MBNL3: variants seen among roughly 807,000 people sequenced by gnomAD.
MBNL3 encodes muscleblind like splicing regulator 3.
MBNL3 carries 6 observed loss-of-function variants against 24.5 expected under a neutral mutation model. The observed-to-expected ratio is 0.25, with a 90% CI of 0.13 to 0.48. The LOEUF (loss-of-function observed/expected upper bound fraction) is 0.48, where lower values mean the gene tolerates loss of function less well. Among genes scored for constraint, MBNL3 ranks in the 20% least tolerant of loss-of-function variants. The pLI is 0.99. For synonymous variants in MBNL3, 100 were observed against 101.7 expected, an observed-to-expected ratio of 0.98 and a Z score of 0.10; for missense variants, 230 against 293.5, an observed-to-expected ratio of 0.78 and a Z score of 1.58.
chrX:132,387,965 A>AT (rs1164599296), intron 5 of MBNL3, among the ~76,000 whole-genome samples: 54 of 108,266 alleles, frequency 5.0e-4, no homozygotes, highest in African/African-American at 1.6e-3. Context: ...ATTACTTTAC[A>AT]TTTTTTTTTT....
chrX:132,436,056 C>T (rs1386320891), intron 2 of MBNL3, among the ~76,000 whole-genome samples: 1 of 111,918 alleles, frequency 8.9e-6, no homozygotes, highest in Non-Finnish European at 1.9e-5. Flanking sequence ...ATCCAAGGAA[C>T]ATTCACTAAA....
At chrX:132,397,433 T>C (rs1939991321) in intron 3 of MBNL3, among the ~76,000 whole-genome samples, 1 of 111,493 alleles carries the variant, frequency 9.0e-6, no homozygotes, top group Non-Finnish European at 1.9e-5. Flanking sequence ...TCAATTACAA[T>C]TATTGTTGGA....
intron 7 of MBNL3, 33 bp downstream of exon 7, chrX:132,384,630 A>G (rs750164028): frequency 1.7e-6 from 2 of 1,167,061 alleles, no homozygotes; most frequent in South Asian, 3.8e-5. Flanking sequence ...TTTTCAGATT[A>G]GAAAATGTTG....
chrX:132,381,395 A>G (rs1934914372), intron 8 of MBNL3: 1 of 1,181,481 alleles, frequency 8.5e-7, no homozygotes, highest in Non-Finnish European at 1.1e-6. Flanking sequence ...TGAAACAAAC[A>G]TGCTGCTATT....
chrX:132,400,907 T>G (rs765258120), intron 3 of MBNL3, among the ~76,000 whole-genome samples: 2 of 112,181 alleles, frequency 1.8e-5, no homozygotes, highest in African/African-American at 6.5e-5. Flanking sequence ...ACCTTATAAT[T>G]ACATAATGCT....
intron 1 of MBNL3, among the ~76,000 whole-genome samples, chrX:132,468,167 T>C (rs935912242): frequency 1.8e-5 from 2 of 112,600 alleles, no homozygotes; most frequent in African/African-American, 6.5e-5. Flanking sequence ...TTATGCTTTA[T>C]TTCCTGTGGA....
chrX:132,455,696 G>A lies in MBNL3; in HGVS notation c.-703-15382C>T, dbSNP rs376375336. Among the ~76,000 whole-genome samples the A allele has an allele frequency of 6.3e-5, 7 of 111,860 alleles. No individual in the cohort carries two copies. In the East Asian group the frequency reaches 1.1e-3, roughly 18 times the overall value. ...CCCAAAAGTTTAACCCAATTGTCCC[G>A]GTTCATTTAGTTTGTTTTATTGACA... On this transcript the variant is annotated intron_variant, in intron 1 of 8. Transcript: ENST00000370853.
intron 2 of MBNL3, among the ~76,000 whole-genome samples, chrX:132,410,219 A>C (rs1276951140): frequency 8.9e-6 from 1 of 112,203 alleles, no homozygotes; most frequent in Non-Finnish European, 1.9e-5. Flanking sequence ...CCTTTAACTA[A>C]GAGAGAAAAG....
chrX:132,382,473 A>G (rs1174947905), intron 7 of MBNL3, among the ~76,000 whole-genome samples: 1 of 111,937 alleles, frequency 8.9e-6, no homozygotes, highest in Non-Finnish European at 1.9e-5. Context: ...TAAAAAGAGA[A>G]AAGGGGAAAG....
intron 3 of MBNL3, among the ~76,000 whole-genome samples, chrX:132,399,277 G>A: frequency 9.0e-6 from 1 of 111,140 alleles, no homozygotes; most frequent in Middle Eastern, 4.2e-3. Flanking sequence ...GCTGTCTTTT[G>A]ATAAAGATAT....
At chrX:132,420,637 G>A (rs1943722804) in intron 2 of MBNL3, among the ~76,000 whole-genome samples, 2 of 110,493 alleles carry the variant, frequency 1.8e-5, no homozygotes, top group African/African-American at 3.3e-5. Flanking sequence ...CTGATTGATC[G>A]GGTGTGAGCT....
At chrX:132,482,362 T>C (rs1014361379) in intron 1 of MBNL3, among the ~76,000 whole-genome samples, 2 of 112,301 alleles carry the variant, frequency 1.8e-5, no homozygotes, top group African/African-American at 6.5e-5. Context: ...TATTGTCAAT[T>C]AAAAATATAC....
At chrX:132,412,174 G>A (rs1050088609) in intron 2 of MBNL3, among the ~76,000 whole-genome samples, 1 of 110,945 alleles carries the variant, frequency 9.0e-6, no homozygotes, top group African/African-American at 3.3e-5. Flanking sequence ...TTAACCAGAA[G>A]TGACATGAAT....
chrX:132,394,513 C>T (rs1937656565), intron 3 of MBNL3, among the ~76,000 whole-genome samples: 1 of 111,975 alleles, frequency 8.9e-6, no homozygotes, highest in Non-Finnish European at 1.9e-5. Context: ...CTCTGACTTT[C>T]CTGGTAAATT....
At position 132,468,681 on chromosome X, in the gene MBNL3, T is replaced by C. The variant is rs578105536; in HGVS notation, c.-704+20170A>G. On this transcript the variant is annotated intron_variant, in intron 1 of 8. Coordinates refer to ENST00000370853, the MANE Select transcript of MBNL3 (RefSeq NM_001386889.1). ...TGAGGAAACTGAGACACAGAGAGGC[T>C]AAGTAACTTGGTTCGAGATTATGCA... Among the ~76,000 whole-genome samples, 18 of 112,284 alleles carry C rather than the reference T, an allele frequency of 1.6e-4. No individual in the cohort carries two copies. The East Asian group carries it at 4.8e-3, about 30-fold the overall frequency.
rs951934315 is a variant in MBNL3, at chrX:132,378,188, G to C, written c.*1478C>G. 7 of 111,238 alleles carry C rather than the reference G, an allele frequency of 6.3e-5. No individual in the cohort carries two copies. Among genetic ancestry groups the C allele is most frequent in the Non-Finnish European group, 1.3e-4 (7 of 52,961 alleles). The allele number at this position is 111,238 out of a possible 1,213,427, so 9.2% of individuals were successfully genotyped here. A position where few individuals can be genotyped will look rare whatever the true frequency, so the allele number is the denominator to read the frequency against. On this transcript the variant is annotated 3_prime_UTR_variant, in exon 9 of 9. Coordinates refer to ENST00000370853, the MANE Select transcript of MBNL3 (RefSeq NM_001386889.1). ...GGTCTGATGTTAAAGTTTGGGCAGG[G>C]GGACACTTGCCATATATCACAGGTG...
rs764648644 is a variant in MBNL3 at position 132,465,042 on chromosome X, C to T, written c.-704+23809G>A. Reference sequence around the variant, plus strand: ...CTTGGGTGACAGAGCAGGACTCCATCTCAAAGTAAATAAATAAATAATAAA... The same window carrying T: ...CTTGGGTGACAGAGCAGGACTCCATTTCAAAGTAAATAAATAAATAATAAA... On this transcript the variant is annotated intron_variant, in intron 1 of 8. Transcript: ENST00000370853. Among the ~76,000 whole-genome samples, 349 of 111,273 alleles carry T rather than the reference C, an allele frequency of 3.1e-3. 1 individual carries two copies. Among genetic ancestry groups the T allele is most frequent in the African/African-American group, 0.01 (319 of 30,627 alleles).
At chrX:132,421,802 G>T (rs909799684) in intron 2 of MBNL3, among the ~76,000 whole-genome samples, 3 of 110,838 alleles carry the variant, frequency 2.7e-5, no homozygotes, top group African/African-American at 9.8e-5. Flanking sequence ...TTTGCCATGG[G>T]TACTGTTATA....
intron 1 of MBNL3, among the ~76,000 whole-genome samples, chrX:132,462,800 G>A (rs1946693193): frequency 9.0e-6 from 1 of 111,307 alleles, no homozygotes; most frequent in Non-Finnish European, 1.9e-5. Flanking sequence ...TTCAATACGT[G>A]ACACAGTTCT....
Sources: gnomAD v4.1 joint callset for allele counts (sites outside exome capture counted in the v4.1 genomes callset) on GRCh38, gnomAD v4.1.1 for gene constraint, MANE v1.5 for transcripts, NCBI Gene and HGNC (gene_info 2026-07-23, HGNC 2026-07-21) for gene names.